EGFR: variants seen among roughly 807,000 people sequenced by gnomAD.
The protein encoded by EGFR is avian erythroblastic leukemia viral (v-erb-b) oncogene homolog.
A neutral mutation model predicts 143.0 loss-of-function variants in EGFR; 58 were observed. That is an observed-to-expected ratio of 0.41 (90% CI 0.33 to 0.50). The LOEUF (loss-of-function observed/expected upper bound fraction) is 0.50, where lower values mean the gene tolerates loss of function less well. Among genes scored for constraint, EGFR ranks in the 20% least tolerant of loss-of-function variants. The pLI, the probability that EGFR is intolerant of heterozygous loss-of-function variation, is 0.39. For missense variants in EGFR, 1,307 were observed against 1,579.0 expected (o/e 0.83, Z 2.92); for synonymous variants, 613 against 594.4 (o/e 1.03, Z -0.45).
chr7:55,019,376 G>T lies in EGFR; in HGVS notation c.88+11G>T, dbSNP rs1786376759. ...TGGAGGAAAAGAAAGGTAAGGGCGT[G>T]TCTCGCCGGCTCCCGCGCCGCCCCC... On this transcript the variant is annotated intron_variant, in intron 1 of 27. Coordinates refer to ENST00000275493, the MANE Select transcript of EGFR (RefSeq NM_005228.5). The T allele has an allele frequency of 7.0e-7, 1 of 1,435,330 alleles. No homozygotes were observed. 88.9% of individuals were successfully genotyped at this position (1,435,330 alleles called of 1,614,324 possible).
chr7:55,124,395 C>T (rs1361147172), intron 1 of EGFR, among the ~76,000 whole-genome samples: 1 of 152,174 alleles, frequency 6.6e-6, no homozygotes. Flanking sequence ...TTGCTTAACT[C>T]AGTTCTTAAA....
At chr7:55,201,425 A>G (rs953510815) in intron 25 of EGFR, 70 bp downstream of exon 25, 3 of 1,604,096 alleles carry the variant, frequency 1.9e-6, no homozygotes, top group Admixed American at 3.3e-5. Flanking sequence ...AATTTTAGGG[A>G]AAATAACCAT....
intron 1 of EGFR, among the ~76,000 whole-genome samples, chr7:55,090,284 C>T (rs572165958): frequency 6.6e-6 from 1 of 152,232 alleles, no homozygotes; most frequent in East Asian, 1.9e-4. Context: ...TGACCAGGTC[C>T]TTTTTCTGTT....
rs1788223011 is a variant in EGFR at position 55,210,948 on chromosome 7, G to C, written c.*5331G>C. The C allele has an allele frequency of 6.6e-6, 1 of 152,204 alleles. No individual in the cohort carries two copies. The highest frequency in any genetic ancestry group is 1.5e-5 in the Non-Finnish European group (1 of 68,038). 9.4% of individuals were successfully genotyped at this position (152,204 alleles called of 1,614,324 possible). ...TTTCAAGAGGATTGAGTAAGTAGTT[G>C]GATGGCTTTCATAAAAACAAGAATT... On this transcript the variant is annotated 3_prime_UTR_variant, in exon 28 of 28. Transcript: ENST00000275493.
chr7:55,095,334 A>T (rs945836272), intron 1 of EGFR, among the ~76,000 whole-genome samples: 3 of 152,200 alleles, frequency 2.0e-5, no homozygotes, highest in Non-Finnish European at 4.4e-5. Context: ...TGTTGTGAGG[A>T]TTAAGTGAGG....
intron 1 of EGFR, among the ~76,000 whole-genome samples, chr7:55,114,879 C>CTT (rs777244842): frequency 5.1e-4 from 63 of 122,734 alleles, no homozygotes; most frequent in African/African-American, 1.2e-3. Context: ...TTGTATTATT[C>CTT]TTTTTTTTTT....
At chr7:55,169,475 A>C (rs1314350442) in intron 15 of EGFR, among the ~76,000 whole-genome samples, 2 of 152,200 alleles carry the variant, frequency 1.3e-5, no homozygotes, top group African/African-American at 4.8e-5. Flanking sequence ...CTTTATCCTA[A>C]TAAACCAAAT....
chr7:55,039,134 T>G (rs1368932589), intron 1 of EGFR, among the ~76,000 whole-genome samples: 1 of 152,186 alleles, frequency 6.6e-6, no homozygotes, highest in East Asian at 1.9e-4. Context: ...GTTATGAAAT[T>G]TGAGATCCAT....
intron 15 of EGFR, chr7:55,166,360 C>G (rs943098522): frequency 7.2e-6 from 4 of 558,862 alleles, no homozygotes; most frequent in Admixed American, 2.1e-5. Context: ...GTTACTCATT[C>G]TTTCTCTGAA....
intron 1 of EGFR, chr7:55,109,832 C>T (rs1295250262): frequency 4.1e-6 from 4 of 985,338 alleles, no homozygotes; most frequent in Non-Finnish European, 3.6e-6. Context: ...TGAATGAGCT[C>T]TAAAACAGTT....
chr7:55,130,240 A>G (rs1793757128), intron 1 of EGFR, among the ~76,000 whole-genome samples: 1 of 152,216 alleles, frequency 6.6e-6, no homozygotes, highest in Admixed American at 6.5e-5. Context: ...CAGGGGAGCC[A>G]TCTAATGTCA....
intron 1 of EGFR, among the ~76,000 whole-genome samples, chr7:55,064,522 A>G (rs1394413277): frequency 1.3e-5 from 2 of 152,232 alleles, no homozygotes; most frequent in Admixed American, 1.3e-4. Context: ...CAAACCAAAC[A>G]GAGATTGTAA....
At chr7:55,094,442 T>C (rs910631335) in intron 1 of EGFR, among the ~76,000 whole-genome samples, 3 of 152,232 alleles carry the variant, frequency 2.0e-5, no homozygotes, top group Non-Finnish European at 4.4e-5. Flanking sequence ...GGAGACGCAG[T>C]TGCCCAGACG....
chr7:55,206,055 C>A lies in EGFR; in HGVS notation c.*438C>A, dbSNP rs1562811259. ...GAGTTCATCCAGGCCCAACTGTGAG[C>A]AAGGAGCACAAGCCACAAGTCTTCC... On this transcript the variant is annotated 3_prime_UTR_variant, in exon 28 of 28. Coordinates refer to ENST00000275493, the MANE Select transcript of EGFR (RefSeq NM_005228.5). 2.9e-6 allele frequency: 1 copy of A among 348,474 alleles called. No homozygotes were observed. Among genetic ancestry groups the A allele is most frequent in the Non-Finnish European group, 5.3e-6 (1 of 188,552 alleles). 21.6% of individuals were successfully genotyped at this position (348,474 alleles called of 1,614,324 possible).
intron 1 of EGFR, among the ~76,000 whole-genome samples, chr7:55,072,217 A>G (rs1789873487): frequency 6.6e-6 from 1 of 152,258 alleles, no homozygotes; most frequent in Non-Finnish European, 1.5e-5. Context: ...TAAGCGTTGT[A>G]GCTATTACTA....
intron 2 of EGFR, 26 bp from the exon 3 acceptor site, chr7:55,143,279 C>T (rs1794569752): frequency 6.2e-7 from 1 of 1,613,816 alleles, no homozygotes; most frequent in Non-Finnish European, 8.5e-7. Flanking sequence ...AAAGAGAAAT[C>T]ACGCATTTAT....
intron 1 of EGFR, among the ~76,000 whole-genome samples, chr7:55,071,034 G>A (rs904620210): frequency 3.3e-5 from 5 of 152,262 alleles, no homozygotes; most frequent in Non-Finnish European, 7.3e-5. Context: ...GCCGCTAGCA[G>A]GAGGAACAAC....
intron 21 of EGFR, among the ~76,000 whole-genome samples, chr7:55,192,215 G>A (rs750947109): frequency 6.6e-6 from 1 of 152,206 alleles, no homozygotes; most frequent in Non-Finnish European, 1.5e-5. Context: ...GTCCACTGCT[G>A]TCAAGGACAC....
intron 1 of EGFR, among the ~76,000 whole-genome samples, chr7:55,085,140 AGCCTG>A (rs1790681304): frequency 6.6e-6 from 1 of 152,184 alleles, no homozygotes; most frequent in African/African-American, 2.4e-5. Flanking sequence ...GACAACAGTC[AGCCTG>A]GCTAGAAAAA....
Sources: allele counts gnomAD v4.1 joint callset (sites outside exome capture counted in the v4.1 genomes callset), GRCh38; gene constraint gnomAD v4.1.1; transcripts MANE v1.5; gene names NCBI Gene and HGNC (gene_info 2026-07-23, HGNC 2026-07-21).